DLG2: variants seen among roughly 807,000 people sequenced by gnomAD.
DLG2 encodes the protein discs large MAGUK scaffold protein 2.
In DLG2, 45 loss-of-function variants were observed where a neutral mutation model predicts 132.5. That is an observed-to-expected ratio of 0.34 (90% CI 0.27 to 0.44). The LOEUF (loss-of-function observed/expected upper bound fraction) is 0.44. DLG2 is among the 20% of genes least tolerant of loss of function. The pLI, the probability that DLG2 is intolerant of heterozygous loss-of-function variation, is 1.00. For missense variants in DLG2, 1,045 were observed against 1,196.9 expected (o/e 0.87, Z 1.87); for synonymous variants, 424 against 419.6 (o/e 1.01, Z -0.13).
At chr11:85,490,588 C>A (rs1047352531) in intron 3 of DLG2, among the ~76,000 whole-genome samples, 10 of 151,716 alleles carry the variant, frequency 6.6e-5, no homozygotes, top group Non-Finnish European at 1.3e-4. Flanking sequence ...CTCAAATAAA[C>A]AAAATCAGAA....
At chr11:83,982,149 T>A (rs1189251498) in intron 11 of DLG2, among the ~76,000 whole-genome samples, 1 of 152,164 alleles carries the variant, frequency 6.6e-6, no homozygotes, top group Non-Finnish European at 1.5e-5. Context: ...TACTTGATAA[T>A]GATAATAAAT....
chr11:83,557,603 T>A (rs1164245886), intron 19 of DLG2, among the ~76,000 whole-genome samples: 1 of 152,236 alleles, frequency 6.6e-6, no homozygotes, highest in Admixed American at 6.5e-5. Context: ...AAATCATAGA[T>A]AAATGAAACC....
chr11:85,060,591 T>C (rs1311587359), intron 6 of DLG2, among the ~76,000 whole-genome samples: 2 of 151,590 alleles, frequency 1.3e-5, no homozygotes, highest in East Asian at 1.9e-4. Context: ...AATGGACATT[T>C]AGGTTGTTTC....
At chr11:85,338,048 A>G (rs1416705715) in intron 3 of DLG2, among the ~76,000 whole-genome samples, 1 of 152,216 alleles carries the variant, frequency 6.6e-6, no homozygotes, top group South Asian at 2.1e-4. Context: ...AATAAGAAAT[A>G]TAAGAGAGAC....
chr11:84,212,789 G>T (rs138484213), intron 8 of DLG2, among the ~76,000 whole-genome samples: 4,800 of 152,182 alleles, frequency 0.032, 213 homozygotes, highest in African/African-American at 0.11. Flanking sequence ...CTCCCGAGTA[G>T]CTGGGACTAT....
chr11:85,030,104 C>T (rs998187565), intron 6 of DLG2, among the ~76,000 whole-genome samples: 1 of 152,316 alleles, frequency 6.6e-6, no homozygotes, highest in African/African-American at 2.4e-5. Flanking sequence ...CTGCCCACTT[C>T]GCAAATACTT....
At chr11:83,625,001 A>C (rs1009660258) in intron 19 of DLG2, among the ~76,000 whole-genome samples, 1 of 152,220 alleles carries the variant, frequency 6.6e-6, no homozygotes. Flanking sequence ...TCTGAATTCA[A>C]GAAGTTTCTA....
At chr11:85,318,399 G>A (rs1008620248) in intron 3 of DLG2, among the ~76,000 whole-genome samples, 2 of 151,726 alleles carry the variant, frequency 1.3e-5, no homozygotes, top group Non-Finnish European at 2.9e-5. Context: ...CAGAAACCCA[G>A]TAGACTCATG....
At chr11:84,916,679 G>T (rs1214074331) in intron 6 of DLG2, among the ~76,000 whole-genome samples, 1 of 152,076 alleles carries the variant, frequency 6.6e-6, no homozygotes, top group Non-Finnish European at 1.5e-5. Flanking sequence ...ATAGCAACCT[G>T]AGTGATCCTA....
intron 6 of DLG2, among the ~76,000 whole-genome samples, chr11:85,044,333 C>T (rs1229715040): frequency 6.6e-6 from 1 of 151,932 alleles, no homozygotes; most frequent in Non-Finnish European, 1.5e-5. Context: ...ATTTACCTTT[C>T]CTATAAATTA....
At chr11:83,891,704 G>C (rs1193233968) in intron 15 of DLG2, among the ~76,000 whole-genome samples, 5 of 152,112 alleles carry the variant, frequency 3.3e-5, no homozygotes, top group Admixed American at 6.6e-5. Context: ...ACCCTGACAG[G>C]GGAATGCCAC....
intron 5 of DLG2, among the ~76,000 whole-genome samples, chr11:85,142,318 T>C (rs1271098678): frequency 6.6e-6 from 1 of 151,866 alleles, no homozygotes; most frequent in Non-Finnish European, 1.5e-5. Flanking sequence ...TATTTGTAGT[T>C]ATTGTAAATG....
At chr11:84,865,958 C>T (rs2084492792) in intron 6 of DLG2, among the ~76,000 whole-genome samples, 1 of 152,208 alleles carries the variant, frequency 6.6e-6, no homozygotes, top group African/African-American at 2.4e-5. Context: ...GAATCTGCTA[C>T]AGGCTGCAGC....
rs540912102 is a variant in DLG2, at chr11:85,135,573, T to C, written c.282+18983A>G. 5.2e-4 allele frequency among the ~76,000 whole-genome samples: 79 copies of C among 152,316 alleles called. 1 individual carries two copies. Among genetic ancestry groups the C allele is most frequent in the African/African-American group, 1.7e-3 (70 of 41,574 alleles). On this transcript the variant is annotated intron_variant, in intron 5 of 27. Coordinates refer to ENST00000376104, the MANE Select transcript of DLG2 (RefSeq NM_001142699.3). ...ACAGAGGAAAGCACTTTGTAAACTA[T>C]AGAGACTTGCAGAAATAAAACACAG...
intron 16 of DLG2, among the ~76,000 whole-genome samples, chr11:83,834,466 AG>A (rs2055520974): frequency 2.6e-5 from 4 of 152,184 alleles, no homozygotes; most frequent in African/African-American, 9.6e-5. Context: ...AGGGAGAAGC[AG>A]TAGGTCCAGA....
At chr11:84,780,256 T>C (rs1044528052) in intron 6 of DLG2, among the ~76,000 whole-genome samples, 18 of 151,784 alleles carry the variant, frequency 1.2e-4, no homozygotes, top group African/African-American at 4.4e-4. Context: ...ATATGATACA[T>C]CACATAAAAT....
chr11:84,857,001 A>G (rs1180095060), intron 6 of DLG2, among the ~76,000 whole-genome samples: 1 of 151,862 alleles, frequency 6.6e-6, no homozygotes, highest in Non-Finnish European at 1.5e-5. Context: ...AGGAGTGTCA[A>G]CAAATTCAAA....
At chr11:84,754,390 T>A (rs1417275747) in intron 6 of DLG2, among the ~76,000 whole-genome samples, 1 of 152,178 alleles carries the variant, frequency 6.6e-6, no homozygotes, top group African/African-American at 2.4e-5. Context: ...TACTTTTATA[T>A]AACAATGCAT....
chr11:85,138,818 A>G (rs754611286), intron 5 of DLG2, among the ~76,000 whole-genome samples: 3 of 136,970 alleles, frequency 2.2e-5, no homozygotes, highest in Non-Finnish European at 4.6e-5. Context: ...AAGTGGAACT[A>G]TAAGTCCAAT....
Sources: gnomAD v4.1 joint callset for allele counts (sites outside exome capture counted in the v4.1 genomes callset) on GRCh38, gnomAD v4.1.1 for gene constraint, MANE v1.5 for transcripts, NCBI Gene and HGNC (gene_info 2026-07-23, HGNC 2026-07-21) for gene names.